Variants in LSAMP observed in about 807,000 individuals in gnomAD.
LSAMP encodes the protein limbic system-associated membrane protein.
LSAMP carries 7 observed loss-of-function variants against 38.6 expected under a neutral mutation model. That is an observed-to-expected ratio of 0.18 (90% CI 0.10 to 0.34). The LOEUF is 0.34. Among genes scored for constraint, LSAMP ranks in the 10% least tolerant of loss-of-function variants. LSAMP has a pLI of 1.00. For missense variants in LSAMP, 313 were observed against 420.0 expected (o/e 0.75, Z 2.23); for synonymous variants, 154 against 166.8 (o/e 0.92, Z 0.59).
intron 1 of LSAMP, among the ~76,000 whole-genome samples, chr3:116,165,850 A>T (rs996460803): frequency 1.2e-4 from 19 of 152,218 alleles, no homozygotes; most frequent in Non-Finnish European, 1.9e-4. Context: ...TCCCTGCATA[A>T]TTGGCTTCTT....
At chr3:116,079,557 G>C (rs774865273) in intron 2 of LSAMP, among the ~76,000 whole-genome samples, 4 of 149,940 alleles carry the variant, frequency 2.7e-5, no homozygotes, top group Admixed American at 6.7e-5. Flanking sequence ...GGAGGCTGAG[G>C]CAGGAGAATC....
chr3:116,302,290 CT>C (rs2047420951), intron 1 of LSAMP, among the ~76,000 whole-genome samples: 1 of 152,140 alleles, frequency 6.6e-6, no homozygotes, highest in South Asian at 2.1e-4. Context: ...AAGTAACTAA[CT>C]TTTTTCCCCC....
At chr3:115,863,788 T>C (rs889990856) in intron 3 of LSAMP, among the ~76,000 whole-genome samples, 23 of 151,984 alleles carry the variant, frequency 1.5e-4, no homozygotes, top group Non-Finnish European at 2.9e-4. Flanking sequence ...ATAATTGCAG[T>C]GTCAGTGAAA....
At chr3:115,948,209 T>C (rs1938166359) in intron 3 of LSAMP, among the ~76,000 whole-genome samples, 1 of 152,154 alleles carries the variant, frequency 6.6e-6, no homozygotes, top group African/African-American at 2.4e-5. Flanking sequence ...AAAGACAAAA[T>C]TTTATTGAAT....
intron 3 of LSAMP, among the ~76,000 whole-genome samples, chr3:115,986,704 G>C (rs138708674): frequency 6.6e-6 from 1 of 151,980 alleles, no homozygotes; most frequent in Non-Finnish European, 1.5e-5. Flanking sequence ...AAAAAAGAGG[G>C]GGGTGGGGGC....
At chr3:116,315,460 A>G (rs1056512032) in intron 1 of LSAMP, among the ~76,000 whole-genome samples, 1 of 152,186 alleles carries the variant, frequency 6.6e-6, no homozygotes, top group Non-Finnish European at 1.5e-5. Flanking sequence ...TAAATGGAAA[A>G]AAAAAGCTGT....
chr3:116,212,557 CA>C (rs11287021), intron 1 of LSAMP, among the ~76,000 whole-genome samples: 78,827 of 148,084 alleles, frequency 0.53, 22,009 homozygotes, highest in East Asian at 0.74. Flanking sequence ...AATAAAACTT[CA>C]AAAAAAAAAA....
At position 116,298,787 on chromosome 3, in the gene LSAMP, A is replaced by G. The variant is rs1051288334; in HGVS notation, c.155+146090T>C. On this transcript the variant is annotated intron_variant, in intron 1 of 6. Transcript: ENST00000490035. Reference sequence around the variant, plus strand: ...ACAATTTTTGAATTCACACGAGCCTATCTAGAGATACTGGTTTATTTCCCG... The same window carrying G: ...ACAATTTTTGAATTCACACGAGCCTGTCTAGAGATACTGGTTTATTTCCCG... Among the ~76,000 whole-genome samples the G allele has an allele frequency of 4.0e-4, 61 of 152,172 alleles. 1 individual carries two copies. Among genetic ancestry groups the G allele is most frequent in the African/African-American group, 1.4e-3 (58 of 41,450 alleles).
At chr3:116,122,066 G>A (rs796196507) in intron 1 of LSAMP, among the ~76,000 whole-genome samples, 17 of 151,844 alleles carry the variant, frequency 1.1e-4, no homozygotes, top group African/African-American at 3.1e-4. Flanking sequence ...CTATGACTGC[G>A]CAAAAATAAA....
chr3:116,341,229 C>T (rs2047991035), intron 1 of LSAMP, among the ~76,000 whole-genome samples: 1 of 151,542 alleles, frequency 6.6e-6, no homozygotes, highest in African/African-American at 2.4e-5. Flanking sequence ...ATTTAAACTA[C>T]AAAGAAGTAG....
At chr3:116,210,395 G>A (rs1385653495) in intron 1 of LSAMP, among the ~76,000 whole-genome samples, 1 of 152,188 alleles carries the variant, frequency 6.6e-6, no homozygotes, top group East Asian at 1.9e-4. Context: ...GGAAGAGCAG[G>A]CTTGCTGCGT....
chr3:116,291,059 G>C (rs1356786656), intron 1 of LSAMP, among the ~76,000 whole-genome samples: 1 of 152,102 alleles, frequency 6.6e-6, no homozygotes, highest in South Asian at 2.1e-4. Flanking sequence ...AAAGACACCA[G>C]TCAAATTATC....
intron 3 of LSAMP, among the ~76,000 whole-genome samples, chr3:115,997,251 C>T (rs923791861): frequency 6.6e-6 from 1 of 152,092 alleles, no homozygotes; most frequent in Non-Finnish European, 1.5e-5. Flanking sequence ...ATGCCCTGGT[C>T]ACCCTTCTAT....
chr3:116,173,493 T>TA (rs111826387), intron 1 of LSAMP, among the ~76,000 whole-genome samples: 14,191 of 152,080 alleles, frequency 0.093, 941 homozygotes, highest in African/African-American at 0.19. Flanking sequence ...ATTCAGGAGT[T>TA]AAAAAATGTG....
chr3:116,004,708 T>C (rs1940107202), intron 3 of LSAMP, among the ~76,000 whole-genome samples: 1 of 152,050 alleles, frequency 6.6e-6, no homozygotes, highest in Non-Finnish European at 1.5e-5. Flanking sequence ...CCCATTTGAT[T>C]GATTTCTTAT....
intron 1 of LSAMP, among the ~76,000 whole-genome samples, chr3:116,415,009 T>C (rs538413849): frequency 2.6e-5 from 4 of 152,106 alleles, no homozygotes; most frequent in East Asian, 1.9e-4. Flanking sequence ...TCAGACCTCA[T>C]TGGCCATCTC....
At chr3:115,884,586 CTG>C (rs1159729641) in intron 3 of LSAMP, among the ~76,000 whole-genome samples, 2 of 151,958 alleles carry the variant, frequency 1.3e-5, no homozygotes, top group Admixed American at 6.6e-5. Flanking sequence ...AGGTTCATCA[CTG>C]TATAGAAGAT....
At chr3:116,048,177 G>A (rs1941328881) in intron 2 of LSAMP, among the ~76,000 whole-genome samples, 1 of 152,198 alleles carries the variant, frequency 6.6e-6, no homozygotes, top group South Asian at 2.1e-4. Context: ...AAAGGGATTT[G>A]TTGTTAGAGA....
intron 2 of LSAMP, among the ~76,000 whole-genome samples, chr3:116,046,642 C>T (rs891128137): frequency 1.3e-5 from 2 of 152,146 alleles, no homozygotes; most frequent in African/African-American, 2.4e-5. Context: ...ACCCCAGCAA[C>T]GTCAGATACT....
Sources: allele counts gnomAD v4.1 joint callset (sites outside exome capture counted in the v4.1 genomes callset), GRCh38; gene constraint gnomAD v4.1.1; transcripts MANE v1.5; gene names NCBI Gene and HGNC (gene_info 2026-07-23, HGNC 2026-07-21).